The following EFCAB5 variants were observed in gnomAD, a reference collection of about 807,000 sequenced individuals.
The protein encoded by EFCAB5 is EF-hand calcium binding domain 5, also known as EF-hand calcium-binding domain-containing protein 5.
EFCAB5 carries 131 observed loss-of-function variants against 167.9 expected under a neutral mutation model. The ratio of observed to expected loss-of-function variants is 0.78; its 90% CI spans 0.68 to 0.90. The LOEUF (loss-of-function observed/expected upper bound fraction) is 0.90. Ranked by LOEUF, EFCAB5 falls within the 40% of genes least tolerant of loss-of-function variation. The pLI is 0.00. For missense variants in EFCAB5, 1,663 were observed against 1,745.2 expected (o/e 0.95, Z 0.84); for synonymous variants, 574 against 602.8 (o/e 0.95, Z 0.70).
chr17:29,986,637 ATTTTTTTTT>A (rs911310972), intron 4 of EFCAB5, among the ~76,000 whole-genome samples: 43 of 58,078 alleles, frequency 7.4e-4, no homozygotes, highest in African/African-American at 2.7e-3. Context: ...GAGTATATTC[ATTTTTTTTT>A]TTTTTTTTTT....
chr17:30,093,125 T>C (rs1328138425), intron 22 of EFCAB5, among the ~76,000 whole-genome samples, 189 bp downstream of exon 22: 9 of 152,208 alleles, frequency 5.9e-5, no homozygotes, highest in African/African-American at 2.2e-4. Context: ...TATGCCACAT[T>C]TTGAGAATTC....
At chr17:30,019,261 A>G (rs1374281716) in intron 7 of EFCAB5, among the ~76,000 whole-genome samples, 1 of 151,804 alleles carries the variant, frequency 6.6e-6, no homozygotes, top group Non-Finnish European at 1.5e-5. Flanking sequence ...ATAAATACCA[A>G]GCTGAAGAGT....
At chr17:29,961,317 T>A (rs1290575034) in intron 3 of EFCAB5, among the ~76,000 whole-genome samples, 1 of 152,202 alleles carries the variant, frequency 6.6e-6, no homozygotes, top group Non-Finnish European at 1.5e-5. Flanking sequence ...TGTTTTATTG[T>A]TATTGAGTTT....
intron 4 of EFCAB5, among the ~76,000 whole-genome samples, chr17:29,973,669 G>T (rs989761369): frequency 2.0e-5 from 3 of 150,922 alleles, no homozygotes; most frequent in African/African-American, 7.3e-5. Context: ...GTAGAGACAG[G>T]GTTTCACCAT....
intron 14 of EFCAB5, among the ~76,000 whole-genome samples, chr17:30,063,574 C>T (rs1280752533): frequency 6.6e-6 from 1 of 152,146 alleles, no homozygotes; most frequent in Non-Finnish European, 1.5e-5. Context: ...CTATGGGCAA[C>T]CTACACCCAA....
intron 8 of EFCAB5, among the ~76,000 whole-genome samples, chr17:30,050,265 G>T (rs1403799888): frequency 6.6e-6 from 1 of 151,904 alleles, no homozygotes; most frequent in African/African-American, 2.4e-5. Flanking sequence ...CTCCCGAGTA[G>T]CTGGGATTAC....
intron 5 of EFCAB5, among the ~76,000 whole-genome samples, chr17:29,994,338 G>A (rs1317125643): frequency 6.6e-6 from 1 of 151,524 alleles, no homozygotes; most frequent in East Asian, 1.9e-4. Flanking sequence ...TGAAGAATGA[G>A]AAAGTATAGA....
intron 8 of EFCAB5, among the ~76,000 whole-genome samples, chr17:30,036,373 A>G: frequency 7.4e-6 from 1 of 135,286 alleles, no homozygotes; most frequent in South Asian, 2.2e-4. Context: ...AATTATATAT[A>G]ATACACATAT....
At chr17:29,999,424 G>T (rs1187187948) in intron 6 of EFCAB5, among the ~76,000 whole-genome samples, 1 of 151,986 alleles carries the variant, frequency 6.6e-6, no homozygotes, top group Non-Finnish European at 1.5e-5. Context: ...GCTGATGGGA[G>T]GTAGAGAAAA....
At chr17:29,979,514 A>G (rs990174225) in intron 4 of EFCAB5, among the ~76,000 whole-genome samples, 7 of 152,140 alleles carry the variant, frequency 4.6e-5, no homozygotes, top group Non-Finnish European at 7.4e-5. Context: ...ATATTAACTA[A>G]TCAAAACCAC....
chr17:30,096,181 AC>A (rs1253717442), intron 22 of EFCAB5, among the ~76,000 whole-genome samples: 1 of 152,024 alleles, frequency 6.6e-6, no homozygotes, highest in Non-Finnish European at 1.5e-5. Context: ...ATGCATGCAA[AC>A]CCCCTGCTTT....
In EFCAB5 at chr17:29,946,275, G is replaced by A. The variant is rs1388189360; in HGVS notation, c.190+2626G>A. On this transcript the variant is annotated intron_variant, in intron 3 of 22. Coordinates refer to ENST00000394835, the MANE Select transcript of EFCAB5 (RefSeq NM_198529.4). ...TCAGGAAAATGCAAATTAAAACCAC[G>A]ATGAAATACTACCTTACTCCTGCAA... is the stretch of plus-strand genomic sequence containing the variant. Among the ~76,000 whole-genome samples, 4 of 151,920 alleles carry A rather than the reference G, an allele frequency of 2.6e-5. No individual in the cohort carries two copies. The East Asian group carries it at 5.8e-4, about 22-fold the overall frequency.
At chr17:30,041,346 A>T (rs2069768748) in intron 8 of EFCAB5, among the ~76,000 whole-genome samples, 1 of 152,230 alleles carries the variant, frequency 6.6e-6, no homozygotes, top group African/African-American at 2.4e-5. Context: ...TGACTTTGAG[A>T]GCTTTAAGAC....
chr17:30,007,083 C>A (rs1268924325), intron 7 of EFCAB5, among the ~76,000 whole-genome samples: 1 of 152,152 alleles, frequency 6.6e-6, no homozygotes, highest in Non-Finnish European at 1.5e-5. Context: ...GAAGATAAAT[C>A]AAAACCAGAA....
chr17:29,991,871 G>A (rs937808529), intron 4 of EFCAB5, among the ~76,000 whole-genome samples: 2 of 152,104 alleles, frequency 1.3e-5, no homozygotes, highest in Non-Finnish European at 2.9e-5. Context: ...AGCTTCTAGA[G>A]CTATTTTTAC....
rs1257946871 is a variant in EFCAB5 at position 29,948,571 on chromosome 17, T to G, written c.190+4922T>G. Among the ~76,000 whole-genome samples the G allele has an allele frequency of 2.6e-5, 4 of 152,186 alleles. No homozygotes were observed. The East Asian group carries it at 7.7e-4, about 29-fold the overall frequency. ...GTATATACAAAGTAGGAAGAGGAAC[T>G]GTTACTGCAATTTCAACAGGTCAAA... On this transcript the variant is annotated intron_variant, in intron 3 of 22. Transcript: ENST00000394835.
chr17:29,981,520 C>T (rs1454767078), intron 4 of EFCAB5, among the ~76,000 whole-genome samples: 1 of 152,188 alleles, frequency 6.6e-6, no homozygotes, highest in Non-Finnish European at 1.5e-5. Context: ...GTTTCTCCTT[C>T]ATTGCACTTA....
chr17:30,056,990 C>T (rs768495850), intron 12 of EFCAB5, among the ~76,000 whole-genome samples: 2 of 152,082 alleles, frequency 1.3e-5, no homozygotes, highest in Non-Finnish European at 2.9e-5. Context: ...ATGATTGAAT[C>T]AATGAATAAA....
chr17:30,069,556 T>C (rs944300925), intron 14 of EFCAB5: 4 of 1,613,106 alleles, frequency 2.5e-6, no homozygotes, highest in African/African-American at 2.7e-5. Flanking sequence ...AAAACAACGC[T>C]GGCTTCCGCG....
Sources: allele counts gnomAD v4.1 joint callset (sites outside exome capture counted in the v4.1 genomes callset), GRCh38; gene constraint gnomAD v4.1.1; transcripts MANE v1.5; gene names NCBI Gene and HGNC (gene_info 2026-07-23, HGNC 2026-07-21).